ITPK1: variants seen among roughly 807,000 people sequenced by gnomAD.
The protein encoded by ITPK1 is inositol-tetrakisphosphate 1-kinase.
Under a neutral mutation model 45.3 loss-of-function variants are expected in ITPK1, and 21 were observed. The ratio of observed to expected loss-of-function variants is 0.46; its 90% CI spans 0.33 to 0.67. The LOEUF (loss-of-function observed/expected upper bound fraction) is 0.67, where lower values mean the gene tolerates loss of function less well. Among genes scored for constraint, ITPK1 ranks in the 30% least tolerant of loss-of-function variants. The pLI is 0.02. For synonymous variants in ITPK1, 258 were observed against 253.6 expected (o/e 1.02, Z -0.16); for missense variants, 474 against 573.5 (o/e 0.83, Z 1.77).
chr14:93,104,950 T>C (rs1227469878), intron 2 of ITPK1, among the ~76,000 whole-genome samples: 1 of 152,112 alleles, frequency 6.6e-6, no homozygotes, highest in Non-Finnish European at 1.5e-5. Flanking sequence ...ACGCCACAAG[T>C]GTCTATCTGG....
intron 5 of ITPK1, among the ~76,000 whole-genome samples, chr14:92,971,539 C>T (rs555397225): frequency 2.3e-4 from 35 of 152,334 alleles, no homozygotes; most frequent in South Asian, 6.2e-4. Context: ...GACCGTCATA[C>T]GCAAGGTCTG....
chr14:93,059,245 G>A lies in ITPK1; in HGVS notation c.120+17350C>T, dbSNP rs188627533. Among the ~76,000 whole-genome samples, 137 of 58,020 alleles carry A rather than the reference G, an allele frequency of 2.4e-3. 5 individuals carry two copies. The highest frequency in any genetic ancestry group is 0.011 in the African/African-American group (128 of 11,398). The allele number at this position is 58,020 out of a possible 152,430, so 38.1% of individuals were successfully genotyped here. A position where few individuals can be genotyped will look rare whatever the true frequency, so the allele number is the denominator to read the frequency against. On this transcript the variant is annotated intron_variant, in intron 3 of 10. Transcript: ENST00000267615. The stretch of plus-strand genomic sequence containing the variant: ...CAGGGGTGGAGGGTGTGTGGGTCTC[G>A]AGGCGGGGATGGGTGCTGGTCATGA...
intron 3 of ITPK1, among the ~76,000 whole-genome samples, chr14:93,043,950 A>C (rs577125296): frequency 6.6e-6 from 1 of 152,298 alleles, no homozygotes; most frequent in East Asian, 1.9e-4. Context: ...GGGCAAATGA[A>C]AAATCTTTTC....
chr14:93,090,620 C>CTTTTCT (rs1189741537), intron 2 of ITPK1, among the ~76,000 whole-genome samples: 4 of 152,034 alleles, frequency 2.6e-5, no homozygotes, highest in African/African-American at 9.7e-5. Flanking sequence ...GCAACGGGGG[C>CTTTTCT]TTTTCTTTTC....
chr14:93,016,433 C>T lies in ITPK1; in HGVS notation c.246+243G>A, dbSNP rs141206198. Among the ~76,000 whole-genome samples the T allele has an allele frequency of 6.6e-6, 1 of 152,298 alleles. No individual in the cohort carries two copies. The highest frequency in any genetic ancestry group is 1.5e-5 in the Non-Finnish European group (1 of 68,004). ...ATGCCTCATCAGTAAACCGTGTCTACACAGCCAGGGGGTGGAGACGGCCCA... is the reference window on the plus strand; with the variant it reads ...ATGCCTCATCAGTAAACCGTGTCTATACAGCCAGGGGGTGGAGACGGCCCA... On this transcript the variant is annotated intron_variant, in intron 4 of 10. Coordinates refer to ENST00000267615, the MANE Select transcript of ITPK1 (RefSeq NM_014216.6). The surrounding 1 kb of genome is among the most constrained non-coding windows in gnomAD (Gnocchi z 5.0).
chr14:92,950,685 C>G (rs1018742078), intron 9 of ITPK1, among the ~76,000 whole-genome samples: 4 of 152,240 alleles, frequency 2.6e-5, no homozygotes, highest in African/African-American at 9.6e-5. Flanking sequence ...AGAGGACACT[C>G]AGTCTGCAAA....
intron 3 of ITPK1, among the ~76,000 whole-genome samples, chr14:93,055,071 T>G (rs571636507): frequency 1.9e-4 from 29 of 152,284 alleles, no homozygotes; most frequent in Admixed American, 1.9e-3. Flanking sequence ...AATCAGACAC[T>G]GAATACGCCT....
chr14:93,095,248 T>G (rs1022097626), intron 2 of ITPK1, among the ~76,000 whole-genome samples: 4 of 152,226 alleles, frequency 2.6e-5, no homozygotes, highest in African/African-American at 7.2e-5. Flanking sequence ...GATGAGTTAT[T>G]TGTAGTAATT....
rs1406097445 is a variant in ITPK1 at position 92,941,637 on chromosome 14, C to A, written c.1169G>T (p.Gly390Val). Residue 390 changes from glycine (G) to valine (V), a missense_variant, in exon 11 of 11, where the codon GGC (glycine) becomes GTC (valine). Physicochemically the swap from Gly to Val is moderately radical, Grantham distance 109. Coordinates refer to ENST00000267615, the MANE Select transcript of ITPK1 (RefSeq NM_014216.6). ...GCTGGGCGACACGCCGGCGTTGCAG[C>A]CGAGTCTCTGGTGCGGCAGCTTGGC... ...GTAKLPHQRL[G>V]CNAGVSPSFQ... 1.9e-6 allele frequency: 3 copies of A among 1,540,306 alleles called. No homozygotes were observed. The Admixed American group carries it at 5.9e-5, about 30-fold the overall frequency.
At position 93,012,477 on chromosome 14, in the gene ITPK1, C is replaced by T. The variant is rs12587675; in HGVS notation, c.246+4199G>A. Among the ~76,000 whole-genome samples the T allele has an allele frequency of 0.1, 15,212 of 152,172 alleles. 910 individuals carry two copies. Among genetic ancestry groups the T allele is most frequent in the East Asian group, 0.23 (1,194 of 5,150 alleles). On this transcript the variant is annotated intron_variant, in intron 4 of 10. Transcript: ENST00000267615. This position sits in a 1 kb window ranked among gnomAD's most constrained non-coding sequence, Gnocchi z 4.9. Reference sequence around the variant, plus strand: ...GAGCGGGTGGGGCAGATCACCGAGGCCCCATGGGTCAAGCTGGCAATCATG... The same window carrying T: ...GAGCGGGTGGGGCAGATCACCGAGGTCCCATGGGTCAAGCTGGCAATCATG...
At chr14:93,024,752 G>A (rs1474791687) in intron 3 of ITPK1, among the ~76,000 whole-genome samples, 1 of 152,186 alleles carries the variant, frequency 6.6e-6, no homozygotes, top group Non-Finnish European at 1.5e-5. Flanking sequence ...CATGAAGCAA[G>A]GAAGTCAAGA....
At chr14:93,088,009 T>C (rs1412447781) in intron 2 of ITPK1, among the ~76,000 whole-genome samples, 2 of 152,182 alleles carry the variant, frequency 1.3e-5, no homozygotes, top group Non-Finnish European at 2.9e-5. Context: ...TACTGACACT[T>C]GGGCTCATCC....
rs1295993259 is a variant in ITPK1 at position 92,938,893 on chromosome 14, CTG to C, written c.*2666_*2667del. On this transcript the variant is annotated 3_prime_UTR_variant, in exon 11 of 11. Coordinates refer to ENST00000267615, the MANE Select transcript of ITPK1 (RefSeq NM_014216.6). ...TCAGCCCCAGGGTGCTCAATGCAGA[CTG>C]TGCAGGTGACCCTCTGAAACTACCC... 8.6e-6 allele frequency: 3 copies of C among 350,278 alleles called. No homozygotes were observed. In the East Asian group the frequency reaches 2.0e-4, roughly 23 times the overall value. 21.7% of individuals were successfully genotyped at this position (350,278 alleles called of 1,614,324 possible).
chr14:92,940,730 C>G lies in ITPK1; in HGVS notation c.*831G>C, dbSNP rs1168617033. Reference sequence around the variant, plus strand: ...TCCACTAGAGACAAGGGGGTGGAGGCCCAAAGACCTGGAATGATTTGCCCA... The same window carrying G: ...TCCACTAGAGACAAGGGGGTGGAGGGCCAAAGACCTGGAATGATTTGCCCA... On this transcript the variant is annotated 3_prime_UTR_variant, in exon 11 of 11. Coordinates refer to ENST00000267615, the MANE Select transcript of ITPK1 (RefSeq NM_014216.6). 3.6e-5 allele frequency: 47 copies of G among 1,288,882 alleles called. No homozygotes were observed. The highest frequency in any genetic ancestry group is 4.7e-5 in the Non-Finnish European group (46 of 988,658). 79.8% of individuals were successfully genotyped at this position (1,288,882 alleles called of 1,614,324 possible). A position where few individuals can be genotyped will look rare whatever the true frequency, so the allele number is the denominator to read the frequency against.
rs922976455 is a variant in ITPK1 at position 93,032,680 on chromosome 14, G to T, written c.121-15879C>A. Among the ~76,000 whole-genome samples the T allele has an allele frequency of 6.6e-6, 1 of 152,212 alleles. No homozygotes were observed. Among genetic ancestry groups the T allele is most frequent in the African/African-American group, 2.4e-5 (1 of 41,454 alleles). On this transcript the variant is annotated intron_variant, in intron 3 of 10. Coordinates refer to ENST00000267615, the MANE Select transcript of ITPK1 (RefSeq NM_014216.6). The surrounding 1 kb of genome is among the most constrained non-coding windows in gnomAD (Gnocchi z 4.0). Reference sequence around the variant, plus strand: ...CCAGGGACCACATACACACCATGCTGGGCGGGGCAGCTTGATGCCCTTGAA... The same window carrying T: ...CCAGGGACCACATACACACCATGCTTGGCGGGGCAGCTTGATGCCCTTGAA...
At chr14:92,941,934 G>GA (rs768013761) in intron 10 of ITPK1, 30 bp from the exon 11 acceptor site, 2 of 1,595,774 alleles carry the variant, frequency 1.3e-6, no homozygotes, top group Admixed American at 3.4e-5. Context: ...AGCACAAGGG[G>GA]CGTGAGCCAG....
rs1887216742 is a variant in ITPK1 at position 92,938,589 on chromosome 14, C to T, written c.*2972G>A. ...CTCCTTTATTGACAGGCATGAGACA[C>T]AGGCAGGCCCAGGCACAGGAAGCCC... On this transcript the variant is annotated 3_prime_UTR_variant, in exon 11 of 11. Coordinates refer to ENST00000267615, the MANE Select transcript of ITPK1 (RefSeq NM_014216.6). 1.5e-6 allele frequency: 2 copies of T among 1,317,318 alleles called. No homozygotes were observed. The highest frequency in any genetic ancestry group is 2.4e-5 in the South Asian group (2 of 82,896). The allele number at this position is 1,317,318 out of a possible 1,614,324, so 81.6% of individuals were successfully genotyped here. A position where few individuals can be genotyped will look rare whatever the true frequency, so the allele number is the denominator to read the frequency against.
chr14:92,967,635 C>A (rs372909862), intron 5 of ITPK1, among the ~76,000 whole-genome samples: 14 of 152,300 alleles, frequency 9.2e-5, no homozygotes, highest in African/African-American at 2.9e-4. Context: ...TCATCATAGT[C>A]CAAATGGGGC....
chr14:93,066,269 G>T (rs1890739723), intron 3 of ITPK1: 1 of 455,230 alleles, frequency 2.2e-6, no homozygotes, highest in East Asian at 7.0e-5. Context: ...ACACCAACAG[G>T]CAGCTCAGCT....
Sources: allele counts gnomAD v4.1 joint callset (sites outside exome capture counted in the v4.1 genomes callset), GRCh38; gene constraint gnomAD v4.1.1; non-coding constraint Gnocchi (gnomAD v3.1); transcripts MANE v1.5; gene names NCBI Gene and HGNC (gene_info 2026-07-23, HGNC 2026-07-21).